The following SLC45A1 variants were observed in gnomAD, a reference collection of about 807,000 sequenced individuals.
SLC45A1 encodes the protein solute carrier family 45 member 1.
Under a neutral mutation model 57.6 loss-of-function variants are expected in SLC45A1, and 28 were observed. The ratio of observed to expected loss-of-function variants is 0.49; its 90% CI spans 0.36 to 0.67. The LOEUF (loss-of-function observed/expected upper bound fraction) is 0.67, where lower values mean the gene tolerates loss of function less well. Ranked by LOEUF, SLC45A1 falls within the 30% of genes least tolerant of loss-of-function variation. The pLI is 0.00. For missense variants in SLC45A1, 814 were observed against 1,041.5 expected, an observed-to-expected ratio of 0.78 and a Z score of 3.01; for synonymous variants, 459 against 471.5, an observed-to-expected ratio of 0.97 and a Z score of 0.34.
chr1:8,319,428 C>T (rs1285678313), intron 1 of SLC45A1, among the ~76,000 whole-genome samples: 1 of 152,210 alleles, frequency 6.6e-6, no homozygotes, highest in Non-Finnish European at 1.5e-5. Flanking sequence ...ACTACATTGA[C>T]ATTGATTACT....
intron 1 of SLC45A1, among the ~76,000 whole-genome samples, chr1:8,324,089 G>T (rs1358512567): frequency 2.6e-5 from 4 of 152,094 alleles, no homozygotes; most frequent in African/African-American, 9.7e-5. Flanking sequence ...GCAGGACGGG[G>T]GTCCTCTCTC....
At chr1:8,338,110 G>A (rs986184734) in intron 7 of SLC45A1, 118 bp downstream of exon 7, 8 of 929,696 alleles carry the variant, frequency 8.6e-6, no homozygotes, top group Non-Finnish European at 1.3e-5. Context: ...CCAATTTGGG[G>A]GACGCCACTG....
chr1:8,331,650 A>C, intron 5 of SLC45A1, among the ~76,000 whole-genome samples: 1 of 152,164 alleles, frequency 6.6e-6, no homozygotes, highest in Non-Finnish European at 1.5e-5. Context: ...CAGAAAAAGA[A>C]AAGACAAGCC....
At position 8,330,207 on chromosome 1, in the gene SLC45A1, A is replaced by G. The variant is rs760204807; in HGVS notation, c.716-2A>G. 1 of 1,609,578 alleles carries G rather than the reference A, an allele frequency of 6.2e-7. No homozygotes were observed. ...GAACTCAAACCCTGTCTCTTTCCCC[A>G]GGTCTCGGAGGAGGCTTTGGATACG... On this transcript the variant is annotated splice_acceptor_variant, in intron 4 of 8. Coordinates refer to ENST00000471889, the MANE Select transcript of SLC45A1 (RefSeq NM_001080397.3). LOFTEE classifies it high-confidence loss of function. This position sits in a 1 kb window ranked among gnomAD's most constrained non-coding sequence, Gnocchi z 8.4.
At position 8,339,472 on chromosome 1, in the gene SLC45A1, C is replaced by T. The variant is rs559345478; in HGVS notation, c.1775-21C>T. 30 of 1,613,432 alleles carry T rather than the reference C, an allele frequency of 1.9e-5. 1 individual carries two copies. The South Asian group carries it at 3.0e-4, about 16-fold the overall frequency. On this transcript the variant is annotated intron_variant, in intron 7 of 8. Transcript: ENST00000471889. ...GAGGCTCTGGCCGTGTGGCACTGCT[C>T]ACCCTCTCTGTGGCCCGCAGCTATC... is the stretch of plus-strand genomic sequence containing the variant.
In SLC45A1 at chr1:8,330,148, C is replaced by T; in HGVS notation, c.716-61C>T. ...CCTTCATGTCCTTCTAAGAACGGGG[C>T]CACCGCGTTTGGGGCTTCTCCTCCC... On this transcript the variant is annotated intron_variant, in intron 4 of 8. Transcript: ENST00000471889. The surrounding 1 kb of genome is among the most constrained non-coding windows in gnomAD (Gnocchi z 8.4). 1.3e-6 allele frequency: 2 copies of T among 1,570,378 alleles called. No individual in the cohort carries two copies.
rs748942053 is a variant in SLC45A1 at position 8,339,704 on chromosome 1, T to C, written c.1980+6T>C. 3.7e-6 allele frequency: 6 copies of C among 1,612,768 alleles called. No homozygotes were observed. In the African/African-American group the frequency reaches 4.0e-5, roughly 11 times the overall value. On this transcript the variant is annotated splice_donor_region_variant and intron_variant, in intron 8 of 8. Transcript: ENST00000471889. ...ATTACTATCAGAGTAAGAAGGTAAG[T>C]GCTCTCCCTTGTCTTGCTTCGGGTC...
rs1044561925 is a variant in SLC45A1, at chr1:8,324,726, G to C, written c.397G>C (p.Gly133Arg). 1.9e-6 allele frequency: 3 copies of C among 1,577,380 alleles called. No homozygotes were observed. Among genetic ancestry groups the C allele is most frequent in the Non-Finnish European group, 2.6e-6 (3 of 1,160,648 alleles). ...SLVWFISPIL[G>R]FLLQPLLGAW... ...GGTGTGGTTCATCAGCCCCATCCTC[G>C]GTGAGCCCCGGCTCCTCCCCGATGG... Residue 133 changes from glycine to arginine, a missense_variant and splice_region_variant, in exon 2 of 9, where the codon GGA becomes CGA. Coordinates refer to ENST00000471889, the MANE Select transcript of SLC45A1 (RefSeq NM_001080397.3).
chr1:8,328,535 A>G lies in SLC45A1; in HGVS notation c.716-1674A>G, dbSNP rs1185205548. Among the ~76,000 whole-genome samples the G allele has an allele frequency of 6.6e-6, 1 of 152,128 alleles. No individual in the cohort carries two copies. Among genetic ancestry groups the G allele is most frequent in the Admixed American group, 6.5e-5 (1 of 15,272 alleles). On this transcript the variant is annotated intron_variant, in intron 4 of 8. Coordinates refer to ENST00000471889, the MANE Select transcript of SLC45A1 (RefSeq NM_001080397.3). This position sits in a 1 kb window ranked among gnomAD's most constrained non-coding sequence, Gnocchi z 4.6. ...TGCACCACTTTGATCATTCAAGAAA[A>G]TTAGCTAGTAAAGTTCATCTGGGCC...
chr1:8,332,935 G>A (rs549545763), intron 5 of SLC45A1, among the ~76,000 whole-genome samples: 2 of 152,328 alleles, frequency 1.3e-5, no homozygotes, highest in East Asian at 1.9e-4. Context: ...TGGTGTTTCC[G>A]GTCCTACAAA....
intron 1 of SLC45A1, among the ~76,000 whole-genome samples, chr1:8,322,937 C>A (rs1186531535): frequency 6.6e-6 from 1 of 152,134 alleles, no homozygotes; most frequent in Admixed American, 6.5e-5. Flanking sequence ...GCTTTTCTCT[C>A]CTTGTGCTTA....
chr1:8,335,466 G>T lies in SLC45A1; in HGVS notation c.1473G>T (p.Lys491Asn). Residue 491 changes from lysine (K) to asparagine (N), a missense_variant, in exon 6 of 9, where the codon AAG becomes AAT. Coordinates refer to ENST00000471889, the MANE Select transcript of SLC45A1 (RefSeq NM_001080397.3). The surrounding 1 kb of genome is among the most constrained non-coding windows in gnomAD (Gnocchi z 4.1). ...CCAATATCCTGCTCAACGGCGTGAA[G>T]TATGAGAGCGAGCTGACGGGCTCCA... Reference protein sequence around the residue: ...QVANILLNGVKYESELTGSSE... With the variant: ...QVANILLNGVNYESELTGSSE... 4 of 1,599,290 alleles carry T rather than the reference G, an allele frequency of 2.5e-6. No individual in the cohort carries two copies. The highest frequency in any genetic ancestry group is 2.5e-6 in the Non-Finnish European group (3 of 1,178,830).
intron 6 of SLC45A1, chr1:8,336,054 C>A (rs996695724): frequency 2.5e-5 from 4 of 158,918 alleles, no homozygotes; most frequent in African/African-American, 9.6e-5. Context: ...TTGAAAAGCA[C>A]CAACTTGCGT....
chr1:8,342,309 G>A (rs1209399965), intron 8 of SLC45A1, among the ~76,000 whole-genome samples: 1 of 152,148 alleles, frequency 6.6e-6, no homozygotes, highest in Non-Finnish European at 1.5e-5. Flanking sequence ...CCATCTAACA[G>A]TGTGTGATGT....
At chr1:8,341,063 G>A (rs539848635) in intron 8 of SLC45A1, among the ~76,000 whole-genome samples, 22 of 151,972 alleles carry the variant, frequency 1.4e-4, no homozygotes, top group Middle Eastern at 3.4e-3. Context: ...ATGGTGGCGC[G>A]TGCCTCTAGT....
rs78451362 is a variant in SLC45A1, at chr1:8,320,940, G to A, written c.-25+2754G>A. Among the ~76,000 whole-genome samples the A allele has an allele frequency of 2.8e-3, 430 of 152,280 alleles. 8 individuals are homozygous for A. In the East Asian group the frequency reaches 0.05, roughly 18 times the overall value. On this transcript the variant is annotated intron_variant, in intron 1 of 8. Coordinates refer to ENST00000471889, the MANE Select transcript of SLC45A1 (RefSeq NM_001080397.3). ...AGGGAGATGGCCACTGAGAGCATAC[G>A]TGGGGCTGTGACCTTTGGGCGGAGT...
Position 8,335,707 on chromosome 1 carries a change from C to T in SLC45A1, c.1597+117C>T. On this transcript the variant is annotated intron_variant, in intron 6 of 8. Coordinates refer to ENST00000471889, the MANE Select transcript of SLC45A1 (RefSeq NM_001080397.3). The surrounding 1 kb of genome is among the most constrained non-coding windows in gnomAD (Gnocchi z 4.1). ...CCAGAACCTTTCTGAGTTCACCAGC[C>T]CCCAACAACAGCACCAAGGGCAGGC... The T allele has an allele frequency of 8.4e-7, 1 of 1,186,518 alleles. No individual in the cohort carries two copies. The highest frequency in any genetic ancestry group is 1.1e-6 in the Non-Finnish European group (1 of 873,078). 73.5% of individuals were successfully genotyped at this position (1,186,518 alleles called of 1,614,324 possible). A position where few individuals can be genotyped will look rare whatever the true frequency, so the allele number is the denominator to read the frequency against.
intron 8 of SLC45A1, among the ~76,000 whole-genome samples, chr1:8,340,535 T>C (rs1161717753): frequency 6.6e-6 from 1 of 152,326 alleles, no homozygotes; most frequent in East Asian, 1.9e-4. Flanking sequence ...CTCCTGATCC[T>C]TTTTCTGTGG....
intron 8 of SLC45A1, among the ~76,000 whole-genome samples, 176 bp downstream of exon 8, chr1:8,339,874 GTA>G (rs1407358456): frequency 6.6e-6 from 1 of 152,330 alleles, no homozygotes; most frequent in African/African-American, 2.4e-5. Flanking sequence ...CCCCCTGCCT[GTA>G]ATCCCCTCAT....
Sources: gnomAD v4.1 joint callset for allele counts (sites outside exome capture counted in the v4.1 genomes callset) on GRCh38, gnomAD v4.1.1 for gene constraint, Gnocchi (gnomAD v3.1) non-coding constraint, MANE v1.5 for transcripts, NCBI Gene and HGNC (gene_info 2026-07-23, HGNC 2026-07-21) for gene names.